MAU2: variants seen among roughly 807,000 people sequenced by gnomAD.
The protein encoded by MAU2 is MAU2 sister chromatid cohesion factor, also known as MAU2 chromatid cohesion factor homolog.
A neutral mutation model predicts 89.1 loss-of-function variants in MAU2; 9 were observed. That is an observed-to-expected ratio of 0.10 (90% CI 0.06 to 0.18). MAU2 has a LOEUF of 0.18. MAU2 is among the 10% of genes least tolerant of loss of function. The pLI, the probability that MAU2 is intolerant of heterozygous loss-of-function variation, is 1.00. For missense variants in MAU2, 425 were observed against 803.5 expected (o/e 0.53, Z 5.69); for synonymous variants, 357 against 343.4 (o/e 1.04, Z -0.44).
At chr19:19,341,144 G>A in intron 6 of MAU2, 108 bp from the exon 7 acceptor site, 4 of 1,350,058 alleles carry the variant, frequency 3.0e-6, no homozygotes, top group Non-Finnish European at 4.0e-6. Flanking sequence ...TTGCCCTCTG[G>A]ATTGGTGGCA....
In MAU2 at chr19:19,347,269, T is replaced by C; in HGVS notation, c.1222-11T>C. 1 of 1,608,262 alleles carries C rather than the reference T, an allele frequency of 6.2e-7. No individual in the cohort carries two copies. The highest frequency in any genetic ancestry group is 8.5e-7 in the Non-Finnish European group (1 of 1,174,940). Reference sequence around the variant, plus strand: ...GACCCAGCCCCCTAATGTCCCCGCCTCCCATTCCAGCTCACCAACCACCAG... The same window carrying C: ...GACCCAGCCCCCTAATGTCCCCGCCCCCCATTCCAGCTCACCAACCACCAG... On this transcript the variant is annotated splice_polypyrimidine_tract_variant and intron_variant, in intron 12 of 18. Transcript: ENST00000262815.
intron 1 of MAU2, 90 bp from the exon 2 acceptor site, chr19:19,335,628 C>A: frequency 7.2e-7 from 1 of 1,379,784 alleles, no homozygotes; most frequent in Non-Finnish European, 1.0e-6. Flanking sequence ...CCTCTGTTCT[C>A]AGGACAACCT....
rs753695722 is a variant in MAU2 at position 19,320,930 on chromosome 19, C to T, written c.71C>T (p.Ser24Leu). 5 of 1,569,562 alleles carry T rather than the reference C, an allele frequency of 3.2e-6. No individual in the cohort carries two copies. Among genetic ancestry groups the T allele is most frequent in the East Asian group, 2.4e-5 (1 of 41,910 alleles). The change falls in exon 1 of 19, where the codon TCG (serine) becomes TTG (leucine). Residue 24 changes from serine to leucine, a missense_variant. Ser to Leu is a moderately radical substitution (Grantham distance 145). This residue lies in a region of MAU2 where 61 missense variants were observed against 40.1 expected (regional missense o/e 1.52). Transcript: ENST00000262815. The part of the protein sequence containing the change: ...AQAAQAEAAD[S>L]WYLALLGFAE... ...GCTGCGCAGGCCGAGGCGGCCGACT[C>T]GTGGTACCTGGCGCTTCTGGGCTTC...
chr19:19,348,815 G>C, intron 13 of MAU2, 74 bp from the exon 14 acceptor site: 1 of 1,484,562 alleles, frequency 6.7e-7, no homozygotes, highest in Non-Finnish European at 9.4e-7. Context: ...AAATTCCCAT[G>C]CACTGCAGTG....
At position 19,336,108 on chromosome 19, in the gene MAU2, C is replaced by G; in HGVS notation, c.295-14C>G. 1 of 1,607,038 alleles carries G rather than the reference C, an allele frequency of 6.2e-7. No homozygotes were observed. The highest frequency in any genetic ancestry group is 8.5e-7 in the Non-Finnish European group (1 of 1,173,752). Reference sequence around the variant, plus strand: ...TTTCGCAGTGTCTGTACTTCCTTAACTGGACGTCACTAGATCCCGCAGTTC... The same window carrying G: ...TTTCGCAGTGTCTGTACTTCCTTAAGTGGACGTCACTAGATCCCGCAGTTC... On this transcript the variant is annotated splice_polypyrimidine_tract_variant and intron_variant, in intron 2 of 18. Coordinates refer to ENST00000262815, the MANE Select transcript of MAU2 (RefSeq NM_015329.4).
At position 19,340,827 on chromosome 19, in the gene MAU2, C is replaced by T. The variant is rs2061638856; in HGVS notation, c.552-19C>T. ...CTCCTGGGCCTGCTAGGACCTGACCCCTGCCTCTTGTTTTGCAGGGCGCTG... is the reference window on the plus strand; with the variant it reads ...CTCCTGGGCCTGCTAGGACCTGACCTCTGCCTCTTGTTTTGCAGGGCGCTG... On this transcript the variant is annotated intron_variant, in intron 5 of 18. Transcript: ENST00000262815. 2 of 1,613,184 alleles carry T rather than the reference C, an allele frequency of 1.2e-6. No individual in the cohort carries two copies. Among genetic ancestry groups the T allele is most frequent in the South Asian group, 2.2e-5 (2 of 90,918 alleles).
At chr19:19,326,730 A>ATGTG (rs1234154082) in intron 1 of MAU2, among the ~76,000 whole-genome samples, 1 of 131,730 alleles carries the variant, frequency 7.6e-6, no homozygotes. Context: ...ACATATATAT[A>ATGTG]TATATACACA....
At chr19:19,326,706 A>ATATATATACACGTATATATATATGTG (rs1555792838) in intron 1 of MAU2, among the ~76,000 whole-genome samples, 3 of 86,986 alleles carry the variant, frequency 3.4e-5, no homozygotes, top group Non-Finnish European at 7.7e-5. Context: ...ATATATGTAT[A>ATATATATACACGTATATATATATGTG]TATATATATA....
intron 1 of MAU2, among the ~76,000 whole-genome samples, chr19:19,324,938 A>G (rs1263565751): frequency 6.6e-6 from 1 of 152,056 alleles, no homozygotes; most frequent in Admixed American, 6.6e-5. Flanking sequence ...ATTTTTTCCC[A>G]ATCAGGGAGC....
chr19:19,338,675 C>G (rs955393146), intron 4 of MAU2, among the ~76,000 whole-genome samples, 170 bp from the exon 5 acceptor site: 1 of 152,178 alleles, frequency 6.6e-6, no homozygotes, highest in Admixed American at 6.5e-5. Flanking sequence ...AGCTGTGTAC[C>G]CAAAGCAATT....
At chr19:19,354,634 C>G in intron 17 of MAU2, 189 bp downstream of exon 17, 2 of 611,240 alleles carry the variant, frequency 3.3e-6, no homozygotes, top group Non-Finnish European at 5.9e-6. Flanking sequence ...TTTGTGGCAT[C>G]CGCTTGACTC....
intron 16 of MAU2, among the ~76,000 whole-genome samples, chr19:19,351,395 C>G (rs925259770): frequency 1.3e-5 from 2 of 151,898 alleles, no homozygotes; most frequent in African/African-American, 4.8e-5. Flanking sequence ...TCCAGCCAGA[C>G]ACAGTGGCTC....
At position 19,348,467 on chromosome 19, in the gene MAU2, G is replaced by A. The variant is rs574843312; in HGVS notation, c.1309-422G>A. ...TCCCCTGTGCCTCTGCAGCTAGAGGGCAGCTAAATTATCAGTCAGATCACG... is the reference window on the plus strand; with the variant it reads ...TCCCCTGTGCCTCTGCAGCTAGAGGACAGCTAAATTATCAGTCAGATCACG... On this transcript the variant is annotated intron_variant, in intron 13 of 18. Coordinates refer to ENST00000262815, the MANE Select transcript of MAU2 (RefSeq NM_015329.4). The A allele has an allele frequency of 4.5e-5, 13 of 288,134 alleles. No homozygotes were observed. In the East Asian group the frequency reaches 1.3e-3, roughly 30 times the overall value. The allele number at this position is 288,134 out of a possible 1,614,324, so 17.8% of individuals were successfully genotyped here.
rs532744009 is a variant in MAU2, at chr19:19,356,007, G to A, written c.*225G>A. 5 of 667,104 alleles carry A rather than the reference G, an allele frequency of 7.5e-6. No individual in the cohort carries two copies. The highest frequency in any genetic ancestry group is 5.3e-5 in the African/African-American group (3 of 56,410). 41.3% of individuals were successfully genotyped at this position (667,104 alleles called of 1,614,324 possible). A position where few individuals can be genotyped will look rare whatever the true frequency, so the allele number is the denominator to read the frequency against. ...AGAGGCTCACAGGTGGCACACAGGC[G>A]CTGTCTCTCCAGAGCCATCCTTCAG... On this transcript the variant is annotated 3_prime_UTR_variant, in exon 19 of 19. Transcript: ENST00000262815.
At chr19:19,354,499 A>G (rs975915552) in intron 17 of MAU2, 54 bp downstream of exon 17, 3 of 1,492,212 alleles carry the variant, frequency 2.0e-6, no homozygotes. Context: ...CTCCCCAGAG[A>G]TCAAGGCTGC....
intron 10 of MAU2, chr19:19,344,154 G>A (rs1258896572): frequency 7.4e-6 from 4 of 542,204 alleles, no homozygotes; most frequent in Non-Finnish European, 1.0e-5. Context: ...GCTCACGCCT[G>A]TCATCCCAGC....
chr19:19,322,013 T>G (rs1450304108), intron 1 of MAU2: 1 of 151,786 alleles, frequency 6.6e-6, no homozygotes, highest in Non-Finnish European at 1.5e-5. Context: ...TTTTTTTTTT[T>G]TTGAGACGGA....
Position 19,349,417 on chromosome 19 carries a change from A to G in MAU2, c.1529A>G (p.Tyr510Cys). The G allele has an allele frequency of 6.2e-7, 1 of 1,614,034 alleles. No homozygotes were observed. Among genetic ancestry groups the G allele is most frequent in the Non-Finnish European group, 8.5e-7 (1 of 1,180,004 alleles). ...CSLVLLGHIF[Y>C]VLGNHRESNN... Reference sequence around the variant, plus strand: ...CTCGTGCTTCTGGGCCACATCTTCTATGTGCTGGGAAACCACAGGGTGAGT... The same window carrying G: ...CTCGTGCTTCTGGGCCACATCTTCTGTGTGCTGGGAAACCACAGGGTGAGT... Residue 510 changes from tyrosine (Y) to cysteine (C), a missense_variant, in exon 16 of 19, where the codon TAT becomes TGT. Tyr to Cys is a radical substitution (Grantham distance 194). Around this residue, in one of 11 missense-constraint regions of MAU2, gnomAD observed 33 missense variants for 94.1 expected, o/e 0.35. Transcript: ENST00000262815.
At chr19:19,351,564 C>G (rs2061744945) in intron 16 of MAU2, among the ~76,000 whole-genome samples, 1 of 151,684 alleles carries the variant, frequency 6.6e-6, no homozygotes, top group African/African-American at 2.4e-5. Context: ...CTTGTGGTCC[C>G]AGCTAATTGG....
Sources: allele counts gnomAD v4.1 joint callset (sites outside exome capture counted in the v4.1 genomes callset), GRCh38; gene constraint gnomAD v4.1.1; regional missense constraint gnomAD v4.1.1; transcripts MANE v1.5; gene names NCBI Gene and HGNC (gene_info 2026-07-23, HGNC 2026-07-21).